The following TMEM164 variants were observed in gnomAD, a reference collection of about 807,000 sequenced individuals.
The protein encoded by TMEM164 is RP13-360B22.2.
In TMEM164, 4 loss-of-function variants were observed where a neutral mutation model predicts 18.8. The ratio of observed to expected loss-of-function variants is 0.21; its 90% CI spans 0.10 to 0.49. The LOEUF is 0.49. Among genes scored for constraint, TMEM164 ranks in the 20% least tolerant of loss-of-function variants. The probability of loss-of-function intolerance (pLI) is 0.98; values close to 1 mark genes in which losing one functional copy is unlikely to be tolerated. For missense variants in TMEM164, 108 were observed against 239.9 expected, an observed-to-expected ratio of 0.45 and a Z score of 3.63; for synonymous variants, 86 against 101.7, an observed-to-expected ratio of 0.85 and a Z score of 0.93.
intron 5 of TMEM164, among the ~76,000 whole-genome samples, chrX:110,146,282 T>C (rs1602705579): frequency 8.9e-6 from 1 of 112,333 alleles, no homozygotes; most frequent in East Asian, 2.8e-4. Flanking sequence ...GGCTGTTATT[T>C]AAACATATTT....
chrX:110,004,607 A>G (rs1932565769), intron 2 of TMEM164, among the ~76,000 whole-genome samples: 1 of 111,878 alleles, frequency 8.9e-6, no homozygotes, highest in Non-Finnish European at 1.9e-5. Flanking sequence ...AAACTTTCTC[A>G]TCTACACTGT....
At chrX:110,109,220 A>G (rs1371951740) in intron 4 of TMEM164, 74 bp downstream of exon 4, 10 of 1,015,492 alleles carry the variant, frequency 9.8e-6, no homozygotes, top group Non-Finnish European at 1.4e-5. Context: ...GTGATTTTAA[A>G]AATATACATA....
rs763171739 is a variant in TMEM164 at position 110,164,363 on chromosome X, T to C, written c.587-7057T>C. On this transcript the variant is annotated intron_variant, in intron 5 of 6. Coordinates refer to ENST00000372068, the MANE Select transcript of TMEM164 (RefSeq NM_032227.4). ...GGAGCCATGAGGGACAGTAAAAAGATGGTAGGACCAATGGATCACAGATTC... is the reference window on the plus strand; with the variant it reads ...GGAGCCATGAGGGACAGTAAAAAGACGGTAGGACCAATGGATCACAGATTC... Among the ~76,000 whole-genome samples, 9 of 111,626 alleles carry C rather than the reference T, an allele frequency of 8.1e-5. No individual in the cohort carries two copies. The East Asian group carries it at 1.4e-3, about 18-fold the overall frequency.
At chrX:110,145,312 G>C (rs1310380874) in intron 5 of TMEM164, among the ~76,000 whole-genome samples, 1 of 111,458 alleles carries the variant, frequency 9.0e-6, no homozygotes, top group Non-Finnish European at 1.9e-5. Context: ...CGGGGACCAG[G>C]GCAATTATGG....
intron 5 of TMEM164, among the ~76,000 whole-genome samples, chrX:110,146,525 C>T (rs2066857369): frequency 8.9e-6 from 1 of 111,973 alleles, no homozygotes; most frequent in Admixed American, 9.5e-5. Flanking sequence ...AGACAGTATG[C>T]TCTGTTATTG....
At chrX:110,098,907 C>G (rs1181478658) in intron 3 of TMEM164, among the ~76,000 whole-genome samples, 1 of 106,083 alleles carries the variant, frequency 9.4e-6, no homozygotes, top group African/African-American at 3.4e-5. Context: ...CTCAGCCTTT[C>G]ACGTAGCTGG....
chrX:110,174,018 C>CA lies in TMEM164; in HGVS notation c.*568dup, dbSNP rs2067263182. ...AGCCAGATTCTGGTCACTGGTGTCC[C>CA]ATGACTCAAAGTAAACAGCCAACCA... is the stretch of plus-strand genomic sequence containing the variant. On this transcript the variant is annotated 3_prime_UTR_variant, in exon 7 of 7. Transcript: ENST00000372068. The CA allele has an allele frequency of 8.9e-6, 1 of 111,759 alleles. No homozygotes were observed. Among genetic ancestry groups the CA allele is most frequent in the Admixed American group, 9.4e-5 (1 of 10,589 alleles). 9.2% of individuals were successfully genotyped at this position (111,759 alleles called of 1,213,427 possible). A position where few individuals can be genotyped will look rare whatever the true frequency, so the allele number is the denominator to read the frequency against.
intron 2 of TMEM164, among the ~76,000 whole-genome samples, chrX:110,009,027 A>G (rs1042553425): frequency 2.4e-4 from 27 of 111,777 alleles, no homozygotes; most frequent in African/African-American, 7.5e-4. Flanking sequence ...TGCATGGCAT[A>G]TAAAACTGGA....
At chrX:110,123,145 C>T (rs1475482904) in intron 4 of TMEM164, among the ~76,000 whole-genome samples, 2 of 111,346 alleles carry the variant, frequency 1.8e-5, no homozygotes, top group Non-Finnish European at 3.8e-5. Context: ...TCCAGTTGTC[C>T]CAGCACCATT....
At chrX:110,105,002 T>G (rs2147960328) in intron 3 of TMEM164, among the ~76,000 whole-genome samples, 1 of 112,016 alleles carries the variant, frequency 8.9e-6, no homozygotes, top group South Asian at 3.7e-4. Context: ...TGGCCTTCAG[T>G]CTGTCCATCT....
downstream of TMEM164, among the ~76,000 whole-genome samples, chrX:110,181,631 G>A (rs1468405902): frequency 8.8e-6 from 1 of 113,222 alleles, no homozygotes; most frequent in Non-Finnish European, 1.9e-5. Context: ...CATTGTAGCA[G>A]GACTGAGCAG....
At chrX:110,096,178 A>C (rs1321471530) in intron 3 of TMEM164, among the ~76,000 whole-genome samples, 2 of 111,744 alleles carry the variant, frequency 1.8e-5, no homozygotes, top group Non-Finnish European at 3.8e-5. Context: ...CAGATCTCAA[A>C]CTCCATGCTG....
chrX:110,176,195 CT>C lies in TMEM164; in HGVS notation c.*2745del. 5 of 756,762 alleles carry C rather than the reference CT, an allele frequency of 6.6e-6. No individual in the cohort carries two copies. The highest frequency in any genetic ancestry group is 7.8e-6 in the Non-Finnish European group (5 of 639,645). The allele number at this position is 756,762 out of a possible 1,213,427, so 62.4% of individuals were successfully genotyped here. On this transcript the variant is annotated 3_prime_UTR_variant, in exon 7 of 7. Coordinates refer to ENST00000372068, the MANE Select transcript of TMEM164 (RefSeq NM_032227.4). ...GGGAAAAGAGTACTCCCTCCAGCCC[CT>C]AGGTAGCCTTGGCCAGGGATGTGGG... is the stretch of plus-strand genomic sequence containing the variant.
In TMEM164 at chrX:110,109,096, T is replaced by C. The variant is rs1569332787; in HGVS notation, c.457T>C (p.Leu153=). 2.5e-6 allele frequency: 3 copies of C among 1,211,545 alleles called. No individual in the cohort carries two copies. Among genetic ancestry groups the C allele is most frequent in the Non-Finnish European group, 3.4e-6 (3 of 895,195 alleles). Residue 153 remains leucine, a synonymous_variant, in exon 4 of 7, where the codon TTG becomes CTG. Transcript: ENST00000372068. ...CCCCTCTAGGCTACAGATGCACATG[T>C]TGAATGGAGCTCTTCTGGCATTGCT... ...IVVFKLQMHM[L]NGALLALLFP...
At chrX:110,135,237 T>C (rs1352128060) in intron 4 of TMEM164, among the ~76,000 whole-genome samples, 4 of 100,470 alleles carry the variant, frequency 4.0e-5, no homozygotes, top group African/African-American at 1.4e-4. Flanking sequence ...CCTTTTCTTC[T>C]AAAAAAAAAA....
chrX:110,148,670 G>A (rs371489014), intron 5 of TMEM164, among the ~76,000 whole-genome samples: 5 of 100,384 alleles, frequency 5.0e-5, no homozygotes, highest in East Asian at 5.9e-4. Flanking sequence ...TACCACACCC[G>A]GCTCATTTTT....
intron 4 of TMEM164, among the ~76,000 whole-genome samples, chrX:110,116,605 A>G (rs2066366965): frequency 8.9e-6 from 1 of 112,044 alleles, no homozygotes; most frequent in Admixed American, 9.5e-5. Context: ...AATCACAAGA[A>G]GACACTGTTT....
intron 2 of TMEM164, among the ~76,000 whole-genome samples, chrX:110,037,427 G>C (rs1027497076): frequency 8.9e-6 from 1 of 111,940 alleles, no homozygotes; most frequent in Non-Finnish European, 1.9e-5. Context: ...GGGCAGTAGT[G>C]ATTCACAAAC....
At chrX:110,096,375 C>A (rs372206405) in intron 3 of TMEM164, among the ~76,000 whole-genome samples, 2 of 112,954 alleles carry the variant, frequency 1.8e-5, no homozygotes, top group Admixed American at 9.3e-5. Context: ...CCTACTCAAG[C>A]CTTAGCAATG....
Sources: allele counts gnomAD v4.1 joint callset (sites outside exome capture counted in the v4.1 genomes callset), GRCh38; gene constraint gnomAD v4.1.1; transcripts MANE v1.5; gene names NCBI Gene and HGNC (gene_info 2026-07-23, HGNC 2026-07-21).